Variants in LIPJ observed in about 807,000 individuals in gnomAD.
LIPJ encodes the protein lipase family member J, also known as lipase member J.
In LIPJ, 33 loss-of-function variants were observed where a neutral mutation model predicts 39.8. That is an observed-to-expected ratio of 0.83 (90% confidence interval 0.63 to 1.11). LIPJ has a LOEUF of 1.11. Among genes scored for constraint, LIPJ ranks in the 50% least tolerant of loss-of-function variants. The probability of loss-of-function intolerance (pLI) is 0.00; values close to 1 mark genes in which losing one functional copy is unlikely to be tolerated. For missense variants in LIPJ, 422 were observed against 427.9 expected, an observed-to-expected ratio of 0.99 and a Z score of 0.12; for synonymous variants, 128 against 139.2, an observed-to-expected ratio of 0.92 and a Z score of 0.57.
intron 8 of LIPJ, among the ~76,000 whole-genome samples, chr10:88,598,522 G>A (rs10887839): frequency 1.3e-5 from 2 of 151,818 alleles, no homozygotes; most frequent in South Asian, 4.1e-4. Flanking sequence ...GGGAAATGAG[G>A]CTGAGATATC....
chr10:88,595,994 A>G (rs764015046), intron 6 of LIPJ, among the ~76,000 whole-genome samples: 5 of 151,600 alleles, frequency 3.3e-5, no homozygotes, highest in Admixed American at 6.6e-5. Context: ...AAAATGTTCA[A>G]TCTTGCTCCT....
At chr10:88,593,862 T>C (rs1851162319) in intron 4 of LIPJ, 84 bp from the exon 5 acceptor site, 1 of 1,136,446 alleles carries the variant, frequency 8.8e-7, no homozygotes, top group Non-Finnish European at 1.3e-6. Context: ...AACTGTCATG[T>C]ACTAAAAGTT....
chr10:88,613,489 A>C, the LIPJ span, among the ~76,000 whole-genome samples: 2 of 151,928 alleles, frequency 1.3e-5, no homozygotes, highest in Non-Finnish European at 2.9e-5. Context: ...GGTTGTATAC[A>C]TGATTTGATG....
chr10:88,594,243 T>G, intron 5 of LIPJ, 99 bp downstream of exon 5: 3 of 844,668 alleles, frequency 3.6e-6, no homozygotes, highest in South Asian at 3.8e-5. Flanking sequence ...ATTTTCACAA[T>G]TTAGGACTTT....
chr10:88,609,386 A>G (rs1031480119), downstream of LIPJ, among the ~76,000 whole-genome samples: 1 of 152,226 alleles, frequency 6.6e-6, no homozygotes, highest in African/African-American at 2.4e-5. Context: ...CCGGAATGTT[A>G]ATATGACTTA....
At chr10:88,615,320 AG>A in the LIPJ span, among the ~76,000 whole-genome samples, 12 of 152,198 alleles carry the variant, frequency 7.9e-5, no homozygotes. Context: ...TCTGATAAAC[AG>A]AAAAAGATGT....
the LIPJ span, among the ~76,000 whole-genome samples, chr10:88,621,395 G>A: frequency 6.6e-6 from 1 of 152,144 alleles, no homozygotes; most frequent in East Asian, 1.9e-4. Context: ...TATGCTGAGT[G>A]AAAAGAGCTA....
chr10:88,602,706 CATT>C, intron 9 of LIPJ, 59 bp downstream of exon 9: 1 of 1,069,782 alleles, frequency 9.3e-7, no homozygotes, highest in Non-Finnish European at 1.4e-6. Flanking sequence ...TGGTTTACCT[CATT>C]ATTCTAGGGA....
upstream of LIPJ, chr10:88,583,298 C>G (rs1850771954): frequency 2.7e-6 from 4 of 1,508,668 alleles, no homozygotes; most frequent in Non-Finnish European, 3.5e-6. Context: ...GTTCCGTGCT[C>G]CCTGGGCCGA....
intron 7 of LIPJ, 86 bp from the exon 8 acceptor site, chr10:88,596,704 G>T: frequency 8.4e-7 from 1 of 1,184,226 alleles, no homozygotes; most frequent in Non-Finnish European, 1.2e-6. Flanking sequence ...TAATTTATTT[G>T]GTTTTATAGA....
intron 8 of LIPJ, among the ~76,000 whole-genome samples, chr10:88,600,539 T>C (rs1481075495): frequency 6.6e-6 from 1 of 152,246 alleles, no homozygotes; most frequent in Admixed American, 6.5e-5. Context: ...TTATTTAGCA[T>C]ATTAATCATA....
the LIPJ span, among the ~76,000 whole-genome samples, chr10:88,622,335 T>C: frequency 4.6e-5 from 7 of 152,126 alleles, no homozygotes; most frequent in African/African-American, 1.4e-4. Flanking sequence ...CCTCAGCAAA[T>C]CAGTTAGTAA....
chr10:88,609,728 G>C (rs1182091499), downstream of LIPJ, among the ~76,000 whole-genome samples: 1 of 151,972 alleles, frequency 6.6e-6, no homozygotes, highest in East Asian at 1.9e-4. Context: ...GTGAAACCCT[G>C]TCTGTACTAA....
rs370644246 is a variant in LIPJ, at chr10:88,591,530, A to G, written c.130+32A>G. The G allele has an allele frequency of 1.3e-4, 212 of 1,571,942 alleles. 1 individual carries two copies. Among genetic ancestry groups the G allele is most frequent in the Non-Finnish European group, 1.7e-4 (192 of 1,160,190 alleles). On this transcript the variant is annotated intron_variant, in intron 4 of 10. Transcript: ENST00000371939. ...TTCAATTGAAGATGGATTGGTGACA[A>G]TCTGGGGCCTGAAGTTCTTAATTGC... is the stretch of plus-strand genomic sequence containing the variant.
chr10:88,604,140 A>T lies in LIPJ; in HGVS notation c.795+1493A>T, dbSNP rs965750761. 2.0e-5 allele frequency among the ~76,000 whole-genome samples: 3 copies of T among 152,306 alleles called. No individual in the cohort carries two copies. In the East Asian group the frequency reaches 5.8e-4, roughly 29 times the overall value. On this transcript the variant is annotated intron_variant, in intron 9 of 10. Transcript: ENST00000371939. ...AACTATGGAGAAATTGGGGTAAAAG[A>T]GTAGGGAAAAGGTATTAGGCATGCT...
intron 6 of LIPJ, among the ~76,000 whole-genome samples, chr10:88,595,026 G>A (rs1467534272): frequency 6.6e-6 from 1 of 151,722 alleles, no homozygotes; most frequent in Non-Finnish European, 1.5e-5. Flanking sequence ...TTGTATAAAA[G>A]TTGGATATCT....
chr10:88,586,343 C>G (rs973538210), upstream of LIPJ, among the ~76,000 whole-genome samples: 5 of 152,070 alleles, frequency 3.3e-5, no homozygotes, highest in Non-Finnish European at 7.4e-5. Flanking sequence ...ACTAGATGAC[C>G]TAGAATGACT....
At chr10:88,585,484 T>A (rs1025082813), upstream of LIPJ, among the ~76,000 whole-genome samples, 3 of 152,242 alleles carry the variant, frequency 2.0e-5, no homozygotes, top group African/African-American at 7.2e-5. Flanking sequence ...CAAATTCCAT[T>A]TCCACCAGCA....
rs570217117 is a variant in LIPJ at position 88,602,015 on chromosome 10, T to A, written c.724-561T>A. On this transcript the variant is annotated intron_variant, in intron 8 of 10. Coordinates refer to ENST00000371939, the Ensembl canonical transcript of LIPJ. ...ATAGATTACAGATTAACATTATGGCTTTACCTTGGGCACTATAGAATTTGA... is the reference window on the plus strand; with the variant it reads ...ATAGATTACAGATTAACATTATGGCATTACCTTGGGCACTATAGAATTTGA... Among the ~76,000 whole-genome samples, 15 of 152,278 alleles carry A rather than the reference T, an allele frequency of 9.9e-5. No homozygotes were observed. In the South Asian group the frequency reaches 3.1e-3, roughly 32 times the overall value.
Sources: allele counts gnomAD v4.1 joint callset (sites outside exome capture counted in the v4.1 genomes callset), GRCh38; gene constraint gnomAD v4.1.1; transcripts MANE v1.5; gene names NCBI Gene and HGNC (gene_info 2026-07-23, HGNC 2026-07-21).